Variants in AGPAT5 observed in about 807,000 individuals in gnomAD.
AGPAT5 encodes 1-acyl-sn-glycerol-3-phosphate acyltransferase epsilon.
AGPAT5 carries 46 observed loss-of-function variants against 45.6 expected under a neutral mutation model. That is an observed-to-expected ratio of 1.01 (90% confidence interval 0.80 to 1.29). The LOEUF is 1.29. Among genes scored for constraint, AGPAT5 ranks in the 50% most tolerant of loss-of-function variants. The pLI, the probability that AGPAT5 is intolerant of heterozygous loss-of-function variation, is 0.00. For missense variants in AGPAT5, 673 were observed against 450.7 expected (o/e 1.49, Z -4.47); for synonymous variants, 272 against 167.0 (o/e 1.63, Z -4.85).
At chr8:6,726,749 A>T (rs539299826) in intron 2 of AGPAT5, among the ~76,000 whole-genome samples, 26 of 152,302 alleles carry the variant, frequency 1.7e-4, no homozygotes, top group African/African-American at 6.3e-4. Flanking sequence ...TTAGAGAACC[A>T]CTTCCCCTTC....
Position 6,708,866 on chromosome 8 carries a change from C to T in AGPAT5, c.198C>T (p.Phe66=), listed in dbSNP as rs1351045847. 4.4e-6 allele frequency: 7 copies of T among 1,607,890 alleles called. No individual in the cohort carries two copies. Among genetic ancestry groups the T allele is most frequent in the Non-Finnish European group, 5.9e-6 (7 of 1,177,742 alleles). The change falls in exon 1 of 8, where the codon TTC becomes TTT. Residue 66 remains phenylalanine, a synonymous_variant. Coordinates refer to ENST00000285518, the MANE Select transcript of AGPAT5 (RefSeq NM_018361.5). ...ACCAGAGCATGGTGCTCTTCTTCTT[C>T]GAGAATTACACCGGGGTCCAGGTGA... ...CVYQSMVLFF[F]ENYTGVQILL...
intron 6 of AGPAT5, among the ~76,000 whole-genome samples, chr8:6,750,459 T>G (rs1801622157): frequency 1.3e-5 from 2 of 152,224 alleles, no homozygotes. Flanking sequence ...AATAAAATCT[T>G]ATCACTTCAG....
chr8:6,742,608 G>A (rs928891406), intron 5 of AGPAT5, among the ~76,000 whole-genome samples: 1 of 152,200 alleles, frequency 6.6e-6, no homozygotes, highest in Non-Finnish European at 1.5e-5. Flanking sequence ...TGTCCAGTGT[G>A]CTGGCTCCTA....
At chr8:6,745,111 CT>C (rs1801393718) in intron 5 of AGPAT5, 1 of 152,560 alleles carries the variant, frequency 6.6e-6, no homozygotes, top group African/African-American at 2.4e-5. Context: ...CCCAATATCC[CT>C]TTTGATTTCA....
At chr8:6,747,880 A>G (rs1336590187) in intron 6 of AGPAT5, 52 bp downstream of exon 6, 1 of 1,512,880 alleles carries the variant, frequency 6.6e-7, no homozygotes, top group East Asian at 2.3e-5. Context: ...TACAGTGCAC[A>G]TGTTTATGTA....
intron 3 of AGPAT5, among the ~76,000 whole-genome samples, chr8:6,732,119 A>T (rs1042131237): frequency 6.6e-6 from 1 of 152,224 alleles, no homozygotes; most frequent in Non-Finnish European, 1.5e-5. Flanking sequence ...TCTGTCCGTA[A>T]CAGTGCCACA....
chr8:6,719,613 T>A (rs1800437817), intron 1 of AGPAT5, among the ~76,000 whole-genome samples: 2 of 152,198 alleles, frequency 1.3e-5, no homozygotes, highest in South Asian at 4.1e-4. Flanking sequence ...GCTAATAGCA[T>A]CATTCGGGAA....
intron 4 of AGPAT5, among the ~76,000 whole-genome samples, chr8:6,734,761 C>G (rs1332612078): frequency 4.6e-5 from 7 of 151,884 alleles, no homozygotes; most frequent in Non-Finnish European, 1.0e-4. Context: ...TTCTGCTTGG[C>G]CTTTAGTGTT....
intron 1 of AGPAT5, among the ~76,000 whole-genome samples, chr8:6,721,136 ATAAT>A (rs1347604854): frequency 3.9e-5 from 6 of 152,384 alleles, no homozygotes; most frequent in African/African-American, 1.4e-4. Flanking sequence ...GAAGGGCATA[ATAAT>A]TTTACTATTC....
At chr8:6,721,689 G>C (rs576581825) in intron 1 of AGPAT5, among the ~76,000 whole-genome samples, 1 of 152,168 alleles carries the variant, frequency 6.6e-6, no homozygotes, top group Non-Finnish European at 1.5e-5. Flanking sequence ...CTACCTCTTA[G>C]TGGCTCTTAT....
At chr8:6,752,857 A>T (rs1237939411) in intron 6 of AGPAT5, among the ~76,000 whole-genome samples, 1 of 152,178 alleles carries the variant, frequency 6.6e-6, no homozygotes, top group Non-Finnish European at 1.5e-5. Flanking sequence ...TCCTCCCTTC[A>T]GTGTTAGAAC....
At chr8:6,711,540 A>G (rs1415181454) in intron 1 of AGPAT5, among the ~76,000 whole-genome samples, 1 of 152,218 alleles carries the variant, frequency 6.6e-6, no homozygotes, top group Non-Finnish European at 1.5e-5. Flanking sequence ...GAGACTATTG[A>G]AAATCCAGTT....
intron 2 of AGPAT5, among the ~76,000 whole-genome samples, chr8:6,727,812 G>A (rs1800737662): frequency 6.6e-6 from 1 of 152,210 alleles, no homozygotes; most frequent in African/African-American, 2.4e-5. Context: ...AGAGACCCAG[G>A]TTCCTGTTCG....
chr8:6,755,565 G>T (rs146700258), intron 7 of AGPAT5, among the ~76,000 whole-genome samples: 13 of 152,320 alleles, frequency 8.5e-5, no homozygotes, highest in East Asian at 7.7e-4. Flanking sequence ...AAGCAAGGGA[G>T]GGGTAGAGGA....
At chr8:6,735,216 G>C (rs905574614) in intron 4 of AGPAT5, among the ~76,000 whole-genome samples, 5 of 152,078 alleles carry the variant, frequency 3.3e-5, no homozygotes, top group African/African-American at 1.2e-4. Flanking sequence ...TGGGTAGCAG[G>C]GTTTTGTTGC....
chr8:6,725,324 G>A (rs187217073), intron 2 of AGPAT5, among the ~76,000 whole-genome samples: 20 of 152,248 alleles, frequency 1.3e-4, no homozygotes, highest in South Asian at 1.0e-3. Context: ...AAGCTGTATT[G>A]GTATGTAAGT....
At chr8:6,732,459 T>A (rs1800895171) in intron 3 of AGPAT5, 102 bp from the exon 4 acceptor site, 1 of 760,374 alleles carries the variant, frequency 1.3e-6, no homozygotes, top group African/African-American at 1.8e-5. Flanking sequence ...TGAAATGTAG[T>A]TTTCATTCTG....
chr8:6,719,819 A>G (rs2980692), intron 1 of AGPAT5, among the ~76,000 whole-genome samples: 113,583 of 152,136 alleles, frequency 0.75, 43,387 homozygotes, highest in African/African-American at 0.9. Flanking sequence ...CATGATAATC[A>G]TGTTCTAATC....
At chr8:6,751,414 G>A (rs1323056932) in intron 6 of AGPAT5, among the ~76,000 whole-genome samples, 1 of 152,184 alleles carries the variant, frequency 6.6e-6, no homozygotes, top group Non-Finnish European at 1.5e-5. Context: ...AACATGCAGG[G>A]CCTCTGCTCC....
Sources: allele counts gnomAD v4.1 joint callset (sites outside exome capture counted in the v4.1 genomes callset), GRCh38; gene constraint gnomAD v4.1.1; transcripts MANE v1.5; gene names NCBI Gene and HGNC (gene_info 2026-07-23, HGNC 2026-07-21).